The following MECOM variants were observed in gnomAD, a reference collection of about 807,000 sequenced individuals.
MECOM encodes MDS1 and EVI1 complex locus, also known as histone-lysine N-methyltransferase MECOM.
A neutral mutation model predicts 116.3 loss-of-function variants in MECOM; 13 were observed. That is an observed-to-expected ratio of 0.11 (90% confidence interval 0.07 to 0.18). The LOEUF is 0.18. Ranked by LOEUF, MECOM falls within the 10% of genes least tolerant of loss-of-function variation. The pLI, the probability that MECOM is intolerant of heterozygous loss-of-function variation, is 1.00. For missense variants in MECOM, 1,299 were observed against 1,509.0 expected, an observed-to-expected ratio of 0.86 and a Z score of 2.31; for synonymous variants, 528 against 535.2, an observed-to-expected ratio of 0.99 and a Z score of 0.19.
chr3:169,317,401 T>C (rs1719948675), intron 2 of MECOM, among the ~76,000 whole-genome samples: 1 of 152,206 alleles, frequency 6.6e-6, no homozygotes. Flanking sequence ...AAAATCCTTT[T>C]GTCAACTGGT....
At chr3:169,110,657 T>G (rs998285636) in intron 9 of MECOM, among the ~76,000 whole-genome samples, 1 of 152,144 alleles carries the variant, frequency 6.6e-6, no homozygotes, top group African/African-American at 2.4e-5. Flanking sequence ...AAATAAAACA[T>G]TGGCAGTTGA....
chr3:169,583,266 C>T (rs964823543), intron 1 of MECOM, among the ~76,000 whole-genome samples: 6 of 152,178 alleles, frequency 3.9e-5, no homozygotes, highest in African/African-American at 1.4e-4. Flanking sequence ...GTATTTCTCA[C>T]CTACCATTCA....
Position 169,381,262 on chromosome 3 carries a change from G to C in MECOM, c.300C>G (p.Ile100Met). Reference sequence around the variant, plus strand: ...AAGGCCCAAACTTTTCACCTACTTCGATCTTCCTTTTGGTCCATATTCCTA... The same window carrying C: ...AAGGCCCAAACTTTTCACCTACTTCCATCTTCCTTTTGGTCCATATTCCTA... ...AGLGIWTKRKIEVGEKFGPYV... is the reference protein window; with the variant it reads ...AGLGIWTKRKMEVGEKFGPYV... Residue 100 changes from isoleucine (I) to methionine (M), a missense_variant, in exon 2 of 17, where the codon ATC becomes ATG. By Grantham distance (10) the Ile-to-Met change is conservative. Coordinates refer to ENST00000651503, the MANE Select transcript of MECOM (RefSeq NM_004991.4). 6.2e-7 allele frequency: 1 copy of C among 1,613,698 alleles called. No individual in the cohort carries two copies. Among genetic ancestry groups the C allele is most frequent in the East Asian group, 2.2e-5 (1 of 44,872 alleles).
intron 1 of MECOM, among the ~76,000 whole-genome samples, chr3:169,548,461 G>A (rs1046322499): frequency 2.6e-5 from 4 of 152,192 alleles, no homozygotes; most frequent in Non-Finnish European, 4.4e-5. Context: ...AATAGCTGCA[G>A]CAAAGATAAA....
chr3:169,411,044 A>G (rs1217428453), intron 1 of MECOM, among the ~76,000 whole-genome samples: 3 of 152,120 alleles, frequency 2.0e-5, no homozygotes, highest in Admixed American at 6.6e-5. Context: ...CCATATGAAT[A>G]TATGCATATA....
intron 1 of MECOM, among the ~76,000 whole-genome samples, chr3:169,510,823 G>A (rs1390991068): frequency 6.6e-6 from 1 of 152,150 alleles, no homozygotes; most frequent in African/African-American, 2.4e-5. Flanking sequence ...CAGGGAGAGG[G>A]GGGCAAATTT....
intron 7 of MECOM, chr3:169,120,778 C>T (rs1730763200): frequency 7.9e-6 from 2 of 251,860 alleles, no homozygotes; most frequent in East Asian, 1.4e-4. Context: ...TTAAATCCTA[C>T]AACCTGTGGA....
chr3:169,114,226 C>G (rs182821933), intron 8 of MECOM, among the ~76,000 whole-genome samples: 1 of 152,228 alleles, frequency 6.6e-6, no homozygotes, highest in Admixed American at 6.5e-5. Flanking sequence ...GGTAACAGGA[C>G]TGCCAAACTA....
At chr3:169,126,170 C>T (rs1208373840) in intron 5 of MECOM, among the ~76,000 whole-genome samples, 1 of 152,052 alleles carries the variant, frequency 6.6e-6, no homozygotes, top group African/African-American at 2.4e-5. Flanking sequence ...ATCAACTAAA[C>T]TAACAGTTGG....
At chr3:169,399,103 T>A (rs1005895146) in intron 1 of MECOM, among the ~76,000 whole-genome samples, 1 of 152,202 alleles carries the variant, frequency 6.6e-6, no homozygotes, top group African/African-American at 2.4e-5. Flanking sequence ...GTTTTATTTA[T>A]GTCCATCTCC....
chr3:169,519,464 A>G (rs1000553552), intron 1 of MECOM, among the ~76,000 whole-genome samples: 1 of 152,256 alleles, frequency 6.6e-6, no homozygotes, highest in Non-Finnish European at 1.5e-5. Context: ...GTATAGTCAC[A>G]ATCAAATTAG....
At chr3:169,191,726 AAGAAAGAAAGAAAG>A (rs879350155) in intron 2 of MECOM, among the ~76,000 whole-genome samples, 13,974 of 55,296 alleles carry the variant, frequency 0.25, 1,043 homozygotes, top group Non-Finnish European at 0.31. Context: ...GAAAAAAAGA[AAGAAAGAAAGAAAG>A]AGAAAGAAAG....
chr3:169,168,414 T>A (rs1431383036), intron 2 of MECOM, among the ~76,000 whole-genome samples: 1 of 151,806 alleles, frequency 6.6e-6, no homozygotes, highest in Non-Finnish European at 1.5e-5. Flanking sequence ...TATTATGTTA[T>A]CTTCATTTGG....
At chr3:169,278,236 T>A (rs561868695) in intron 2 of MECOM, among the ~76,000 whole-genome samples, 1 of 152,298 alleles carries the variant, frequency 6.6e-6, no homozygotes, top group Admixed American at 6.5e-5. Context: ...GCCTTAAGCC[T>A]CCTGACATTC....
intron 2 of MECOM, among the ~76,000 whole-genome samples, chr3:169,342,513 A>G (rs2149792747): frequency 6.6e-6 from 1 of 152,256 alleles, no homozygotes; most frequent in South Asian, 2.1e-4. Flanking sequence ...TTTTTACCTG[A>G]TCTTTTGCAC....
intron 1 of MECOM, among the ~76,000 whole-genome samples, chr3:169,471,416 C>A (rs1749220189): frequency 1.3e-5 from 2 of 151,300 alleles, no homozygotes; most frequent in Admixed American, 1.3e-4. Flanking sequence ...TGTGTAACTC[C>A]TACCTAGCAA....
intron 1 of MECOM, among the ~76,000 whole-genome samples, chr3:169,606,344 C>T (rs928921492): frequency 6.1e-5 from 9 of 148,596 alleles, no homozygotes; most frequent in Non-Finnish European, 1.0e-4. Flanking sequence ...ACTCAGGAGG[C>T]GGAGTTTGCA....
At chr3:169,594,249 G>T (rs76514746) in intron 1 of MECOM, among the ~76,000 whole-genome samples, 1,921 of 150,242 alleles carry the variant, frequency 0.013, 21 homozygotes, top group Non-Finnish European at 0.02. Context: ...CTGACCCTTT[G>T]CTCTAAGCAT....
intron 1 of MECOM, among the ~76,000 whole-genome samples, chr3:169,420,637 C>T (rs981664787): frequency 6.6e-6 from 1 of 152,042 alleles, no homozygotes; most frequent in Non-Finnish European, 1.5e-5. Context: ...GAAGAGAGCC[C>T]CACTCCTCTG....
Sources: allele counts gnomAD v4.1 joint callset (sites outside exome capture counted in the v4.1 genomes callset), GRCh38; gene constraint gnomAD v4.1.1; transcripts MANE v1.5; gene names NCBI Gene and HGNC (gene_info 2026-07-23, HGNC 2026-07-21).